SPATA13: variants seen among roughly 807,000 people sequenced by gnomAD.
SPATA13 encodes the protein spermatogenesis-associated protein 13.
A neutral mutation model predicts 104.0 loss-of-function variants in SPATA13; 50 were observed. That is an observed-to-expected ratio of 0.48 (90% CI 0.38 to 0.61). The LOEUF (loss-of-function observed/expected upper bound fraction) is 0.61. Among genes scored for constraint, SPATA13 ranks in the 20% least tolerant of loss-of-function variants. The pLI is 0.00. For synonymous variants in SPATA13, 606 were observed against 667.5 expected (o/e 0.91, Z 1.42); for missense variants, 1,524 against 1,690.6 (o/e 0.90, Z 1.73).
intron 3 of SPATA13, among the ~76,000 whole-genome samples, chr13:24,115,962 G>A (rs1163682671): frequency 1.3e-5 from 2 of 152,194 alleles, no homozygotes; most frequent in African/African-American, 4.8e-5. Flanking sequence ...CTCAGGAGAG[G>A]ACAAGGTGAG....
intron 3 of SPATA13, among the ~76,000 whole-genome samples, chr13:24,081,711 T>A (rs1403128323): frequency 3.3e-5 from 5 of 151,918 alleles, no homozygotes; most frequent in East Asian, 3.9e-4. Flanking sequence ...AGCATAAATT[T>A]AAAAAAAATT....
At chr13:24,232,287 G>A (rs184399503) in intron 2 of SPATA13, among the ~76,000 whole-genome samples, 84 of 152,338 alleles carry the variant, frequency 5.5e-4, no homozygotes, top group Non-Finnish European at 9.7e-4. Flanking sequence ...AGGAGAGGAG[G>A]GGAATCCTGG....
intron 1 of SPATA13, chr13:24,162,338 C>A (rs931321634): frequency 3.9e-5 from 6 of 154,078 alleles, no homozygotes; most frequent in African/African-American, 1.2e-4. Context: ...CCACAGCCTG[C>A]CCCGCCTGGA....
At chr13:24,195,379 C>G (rs775196253) in intron 1 of SPATA13, among the ~76,000 whole-genome samples, 2 of 152,106 alleles carry the variant, frequency 1.3e-5, no homozygotes, top group Non-Finnish European at 2.9e-5. Context: ...TTCGTTTCCC[C>G]CTTTGACCAT....
intron 2 of SPATA13, among the ~76,000 whole-genome samples, chr13:24,005,454 T>C (rs1876180178): frequency 6.6e-6 from 1 of 152,104 alleles, no homozygotes; most frequent in Admixed American, 6.5e-5. Flanking sequence ...GGAGCTCATA[T>C]TTAAGTACGA....
chr13:24,000,335 G>T (rs931336876), intron 2 of SPATA13, among the ~76,000 whole-genome samples: 5 of 152,118 alleles, frequency 3.3e-5, no homozygotes, highest in Admixed American at 3.3e-4. Flanking sequence ...GGTTTCAAAG[G>T]GAGCAGCAGG....
chr13:24,126,262 G>A (rs543438953), intron 3 of SPATA13, among the ~76,000 whole-genome samples: 1 of 152,250 alleles, frequency 6.6e-6, no homozygotes, highest in Admixed American at 6.5e-5. Context: ...TCTGGGGGAG[G>A]GGTAGCTGGA....
At chr13:24,197,466 T>A (rs1209114096) in intron 1 of SPATA13, among the ~76,000 whole-genome samples, 1 of 152,228 alleles carries the variant, frequency 6.6e-6, no homozygotes, top group Non-Finnish European at 1.5e-5. Context: ...ACTGACTTAG[T>A]CTGTCAGGAA....
intron 2 of SPATA13, among the ~76,000 whole-genome samples, chr13:23,999,825 T>C (rs951792089): frequency 2.0e-5 from 3 of 152,212 alleles, no homozygotes; most frequent in South Asian, 2.1e-4. Context: ...GAAATCCTCT[T>C]TTTCACTCTT....
chr13:24,289,992 C>T (rs748614019), intron 8 of SPATA13, among the ~76,000 whole-genome samples: 5 of 152,168 alleles, frequency 3.3e-5, no homozygotes, highest in African/African-American at 4.8e-5. Context: ...GGCTGGGCCC[C>T]ATGTGTGACG....
intron 3 of SPATA13, among the ~76,000 whole-genome samples, chr13:24,107,875 C>T (rs1018096283): frequency 6.6e-6 from 1 of 152,230 alleles, no homozygotes; most frequent in African/African-American, 2.4e-5. Context: ...GGAAGATGCT[C>T]ACTCGCACTA....
chr13:24,245,192 A>C lies in SPATA13; in HGVS notation c.1654-4285A>C, dbSNP rs528275437. 5.9e-5 allele frequency among the ~76,000 whole-genome samples: 9 copies of C among 152,234 alleles called. No homozygotes were observed. The South Asian group carries it at 6.2e-4, about 11-fold the overall frequency. On this transcript the variant is annotated intron_variant, in intron 2 of 12. Coordinates refer to ENST00000382108, the MANE Select transcript of SPATA13 (RefSeq NM_001166271.3). The stretch of plus-strand genomic sequence containing the variant: ...GTTTGAGAAGGTTGTTTGATGGGAC[A>C]TGTGTGTCTACAGTTCCAAGTAGAA...
chr13:24,211,093 T>G (rs115689976), intron 1 of SPATA13, among the ~76,000 whole-genome samples: 2,316 of 152,344 alleles, frequency 0.015, 32 homozygotes, highest in African/African-American at 0.03. Context: ...TTCAACTGAT[T>G]TTTCCATGTT....
intron 3 of SPATA13, among the ~76,000 whole-genome samples, chr13:24,042,148 G>A (rs547540310): frequency 2.7e-5 from 4 of 146,008 alleles, no homozygotes; most frequent in South Asian, 4.4e-4. Context: ...TCACGGGAGC[G>A]TTGGCTATGA....
intron 1 of SPATA13, among the ~76,000 whole-genome samples, chr13:24,173,574 A>C (rs1022071591): frequency 6.6e-6 from 1 of 150,648 alleles, no homozygotes; most frequent in Non-Finnish European, 1.5e-5. Context: ...ATGAAGCATA[A>C]TGTTAGCTTT....
chr13:24,059,337 A>G (rs1225691318), intron 3 of SPATA13, among the ~76,000 whole-genome samples: 1 of 151,774 alleles, frequency 6.6e-6, no homozygotes, highest in African/African-American at 2.4e-5. Flanking sequence ...TGTCACAAAA[A>G]AAAAAGGCTT....
chr13:24,017,854 T>G (rs1876787200), intron 3 of SPATA13, among the ~76,000 whole-genome samples: 1 of 152,222 alleles, frequency 6.6e-6, no homozygotes. Context: ...ACAAATTTGA[T>G]AGTTTCACAC....
In SPATA13 at chr13:24,133,940, C is replaced by T. The variant is rs375566421; in HGVS notation, c.-111-88879C>T. 2.8e-4 allele frequency among the ~76,000 whole-genome samples: 42 copies of T among 152,298 alleles called. No individual in the cohort carries two copies. The East Asian group carries it at 4.2e-3, about 15-fold the overall frequency. On this transcript the variant is annotated intron_variant, in intron 3 of 14. Coordinates refer to the SPATA13 transcript ENST00000424834. ...TCCAGAGTGGGGGTTTCGTGAGCAA[C>T]GCTTCATGTATCCTGTCTGAGGAGG...
chr13:24,136,316 A>C (rs907540504), intron 3 of SPATA13, among the ~76,000 whole-genome samples: 1 of 152,096 alleles, frequency 6.6e-6, no homozygotes, highest in Non-Finnish European at 1.5e-5. Context: ...ATCTCTACTA[A>C]AAATACAAAA....
Sources: allele counts gnomAD v4.1 joint callset (sites outside exome capture counted in the v4.1 genomes callset), GRCh38; gene constraint gnomAD v4.1.1; transcripts MANE v1.5; gene names NCBI Gene and HGNC (gene_info 2026-07-23, HGNC 2026-07-21).